The following TRIO variants were observed in gnomAD, a reference collection of about 807,000 sequenced individuals.
TRIO encodes triple functional domain protein.
Under a neutral mutation model 351.9 loss-of-function variants are expected in TRIO, and 58 were observed. The observed-to-expected ratio is 0.16, with a 90% CI of 0.13 to 0.21. The LOEUF (loss-of-function observed/expected upper bound fraction) is 0.21, where lower values mean the gene tolerates loss of function less well. Among genes scored for constraint, TRIO ranks in the 10% least tolerant of loss-of-function variants. The probability of loss-of-function intolerance (pLI) is 1.00; values close to 1 mark genes in which losing one functional copy is unlikely to be tolerated. For missense variants in TRIO, 3,201 were observed against 4,027.8 expected, an observed-to-expected ratio of 0.79 and a Z score of 5.56; for synonymous variants, 1,758 against 1,595.7, an observed-to-expected ratio of 1.10 and a Z score of -2.42.
At chr5:14,481,415 T>C (rs1434554814) in intron 44 of TRIO, 126 bp from the exon 45 acceptor site, 4 of 1,467,246 alleles carry the variant, frequency 2.7e-6, no homozygotes, top group Non-Finnish European at 3.8e-6. Flanking sequence ...CTCCAGTGCA[T>C]CTCCATAAGC....
intron 1 of TRIO, among the ~76,000 whole-genome samples, chr5:14,150,258 CAG>C (rs1352457248): frequency 1.3e-5 from 2 of 151,014 alleles, no homozygotes; most frequent in Non-Finnish European, 2.9e-5. Flanking sequence ...GGCAAAAAGA[CAG>C]AACCGTAGTG....
At chr5:14,261,209 T>C (rs1465969857) in intron 1 of TRIO, among the ~76,000 whole-genome samples, 3 of 152,244 alleles carry the variant, frequency 2.0e-5, no homozygotes, top group Non-Finnish European at 4.4e-5. Context: ...TGGAAATGTA[T>C]AGACTGTCTG....
chr5:14,256,510 T>C (rs146048817), intron 1 of TRIO, among the ~76,000 whole-genome samples: 2 of 152,318 alleles, frequency 1.3e-5, no homozygotes, highest in East Asian at 3.9e-4. Flanking sequence ...AGTGTCAGTG[T>C]TCTGGTTCTT....
At chr5:14,214,485 T>C (rs1792105518) in intron 1 of TRIO, among the ~76,000 whole-genome samples, 1 of 152,180 alleles carries the variant, frequency 6.6e-6, no homozygotes, top group Non-Finnish European at 1.5e-5. Context: ...TGCAGGGTCA[T>C]CTCAGTTTGG....
chr5:14,365,669 A>T (rs970613603), intron 15 of TRIO, among the ~76,000 whole-genome samples: 5 of 152,374 alleles, frequency 3.3e-5, no homozygotes, highest in African/African-American at 1.2e-4. Flanking sequence ...ATCCCTTAGG[A>T]TTCACCTTTG....
At chr5:14,307,267 C>T (rs1020962429) in intron 8 of TRIO, among the ~76,000 whole-genome samples, 2 of 152,188 alleles carry the variant, frequency 1.3e-5, no homozygotes, top group African/African-American at 2.4e-5. Flanking sequence ...TGACCATCAT[C>T]TCCACAGCCA....
At chr5:14,266,109 T>A (rs908996621) in intron 1 of TRIO, among the ~76,000 whole-genome samples, 3 of 152,080 alleles carry the variant, frequency 2.0e-5, no homozygotes, top group African/African-American at 7.2e-5. Flanking sequence ...GCCGTCCAGG[T>A]AAGCAGTGGC....
intron 25 of TRIO, 74 bp downstream of exon 25, chr5:14,389,472 A>G: frequency 9.3e-7 from 1 of 1,076,198 alleles, no homozygotes; most frequent in African/African-American, 1.6e-5. Flanking sequence ...GAAATGAACC[A>G]TTCCCATTGA....
chr5:14,508,314 C>T lies in TRIO; in HGVS notation c.9186C>T (p.Asp3062=), dbSNP rs369573593. The T allele has an allele frequency of 6.2e-7, 1 of 1,613,990 alleles. No individual in the cohort carries two copies. The highest frequency in any genetic ancestry group is 8.5e-7 in the Non-Finnish European group (1 of 1,180,052). The stretch of plus-strand genomic sequence containing the variant: ...ACGGCAGAAGCACGGGCGTCCTCGA[C>T]ACGTCCAGACTGACTTCCTTCATTG... ...AGNGRSTGVL[D]TSRLTSFIER... Residue 3062 remains aspartate (D), a synonymous_variant, in exon 57 of 57, where the codon GAC becomes GAT. Coordinates refer to ENST00000344204, the MANE Select transcript of TRIO (RefSeq NM_007118.4).
At chr5:14,207,711 CAGAGAGAGAG>C (rs372248634) in intron 1 of TRIO, among the ~76,000 whole-genome samples, 1 of 149,058 alleles carries the variant, frequency 6.7e-6, no homozygotes. Flanking sequence ...GACCTTGTCT[CAGAGAGAGAG>C]AGAGAGAGAG....
chr5:14,158,124 G>C (rs1371084530), intron 1 of TRIO, among the ~76,000 whole-genome samples: 1 of 152,082 alleles, frequency 6.6e-6, no homozygotes, highest in Non-Finnish European at 1.5e-5. Flanking sequence ...AAGGGCTTTT[G>C]ATATTAGAAA....
At chr5:14,385,480 A>G (rs1256396824) in intron 21 of TRIO, among the ~76,000 whole-genome samples, 1 of 152,260 alleles carries the variant, frequency 6.6e-6, no homozygotes, top group Non-Finnish European at 1.5e-5. Flanking sequence ...GGATGTGTTC[A>G]GTAGAAAATG....
chr5:14,428,340 G>A (rs1055284592), intron 34 of TRIO, among the ~76,000 whole-genome samples: 17 of 152,050 alleles, frequency 1.1e-4, no homozygotes, highest in African/African-American at 4.1e-4. Flanking sequence ...ACCCTTTTCT[G>A]CCCACACATT....
At chr5:14,371,586 C>CT (rs1392721191) in intron 18 of TRIO, among the ~76,000 whole-genome samples, 1 of 151,008 alleles carries the variant, frequency 6.6e-6, no homozygotes, top group Non-Finnish European at 1.5e-5. Flanking sequence ...TATAGTAATT[C>CT]TTTAATATTA....
intron 37 of TRIO, 135 bp downstream of exon 37, chr5:14,465,775 C>A: frequency 1.1e-6 from 1 of 883,510 alleles, no homozygotes; most frequent in Non-Finnish European, 1.8e-6. Context: ...CAGGAGTCCC[C>A]ATGACCACCC....
At chr5:14,379,964 CA>C (rs1163447287) in intron 20 of TRIO, among the ~76,000 whole-genome samples, 1 of 152,322 alleles carries the variant, frequency 6.6e-6, no homozygotes, top group African/African-American at 2.4e-5. Context: ...GCTGGCCACC[CA>C]CCCCAGGCCT....
In TRIO at chr5:14,256,047, CTG is replaced by C. The variant is rs370671419; in HGVS notation, c.158-14774_158-14773del. ...TGTTGCTATAAAGAAATATTGGAGA[CTG>C]TGTAATTTATAAGGAAAAGAGGTTT... On this transcript the variant is annotated intron_variant, in intron 1 of 56. Transcript: ENST00000344204. Among the ~76,000 whole-genome samples the C allele has an allele frequency of 1.7e-3, 266 of 152,250 alleles. 5 individuals are homozygous for C. The highest frequency in any genetic ancestry group is 5.7e-3 in the African/African-American group (237 of 41,532).
At chr5:14,448,935 C>CA (rs962300571) in intron 34 of TRIO, among the ~76,000 whole-genome samples, 1 of 151,918 alleles carries the variant, frequency 6.6e-6, no homozygotes, top group Non-Finnish European at 1.5e-5. Context: ...TTCATCTTCC[C>CA]AAAAAATATA....
intron 8 of TRIO, among the ~76,000 whole-genome samples, chr5:14,316,002 A>T (rs1180570896): frequency 6.6e-6 from 1 of 152,258 alleles, no homozygotes; most frequent in African/African-American, 2.4e-5. Flanking sequence ...GTTTAAGTAC[A>T]TATTCTATGC....
Sources: allele counts gnomAD v4.1 joint callset (sites outside exome capture counted in the v4.1 genomes callset), GRCh38; gene constraint gnomAD v4.1.1; transcripts MANE v1.5; gene names NCBI Gene and HGNC (gene_info 2026-07-23, HGNC 2026-07-21).